The following NCOA3 variants were observed in gnomAD, a reference collection of about 807,000 sequenced individuals.
NCOA3 encodes nuclear receptor coactivator 3.
Under a neutral mutation model 158.8 loss-of-function variants are expected in NCOA3, and 51 were observed. The observed-to-expected ratio is 0.32, with a 90% CI of 0.26 to 0.41. The LOEUF (loss-of-function observed/expected upper bound fraction) is 0.41, where lower values mean the gene tolerates loss of function less well. Ranked by LOEUF, NCOA3 falls within the 10% of genes least tolerant of loss-of-function variation. NCOA3 has a pLI of 1.00. For missense variants in NCOA3, 1,510 were observed against 1,746.6 expected, an observed-to-expected ratio of 0.86 and a Z score of 2.41; for synonymous variants, 537 against 592.4, an observed-to-expected ratio of 0.91 and a Z score of 1.36.
intron 1 of NCOA3, among the ~76,000 whole-genome samples, chr20:47,577,327 A>G (rs1459706636): frequency 2.0e-5 from 3 of 152,066 alleles, no homozygotes; most frequent in Non-Finnish European, 4.4e-5. Flanking sequence ...GGTTATGACA[A>G]CTCTGGACAT....
chr20:47,626,864 C>T (rs1242813605), intron 5 of NCOA3, 138 bp from the exon 6 acceptor site: 13 of 706,522 alleles, frequency 1.8e-5, no homozygotes, highest in Non-Finnish European at 2.3e-5. Flanking sequence ...GTTATGACCT[C>T]ATTTATCTTT....
intron 8 of NCOA3, chr20:47,628,375 T>C (rs1260710512): frequency 2.3e-5 from 4 of 175,890 alleles, no homozygotes; most frequent in African/African-American, 9.5e-5. Flanking sequence ...TAAAAAATTA[T>C]AAGTAATTTA....
intron 2 of NCOA3, among the ~76,000 whole-genome samples, chr20:47,603,759 G>A (rs1038398101): frequency 1.3e-5 from 2 of 152,202 alleles, no homozygotes; most frequent in African/African-American, 4.8e-5. Flanking sequence ...TCCTCTTGGT[G>A]TTCAGATGTT....
At chr20:47,595,844 A>C (rs1437804600) in intron 2 of NCOA3, among the ~76,000 whole-genome samples, 1 of 152,136 alleles carries the variant, frequency 6.6e-6, no homozygotes, top group Admixed American at 6.6e-5. Context: ...ATTGAACTGT[A>C]CTTTCATCTA....
intron 1 of NCOA3, among the ~76,000 whole-genome samples, chr20:47,520,446 C>G (rs2084310650): frequency 6.6e-6 from 1 of 152,208 alleles, no homozygotes; most frequent in Admixed American, 6.5e-5. Flanking sequence ...TGGAGCTACT[C>G]TTTCTTCCCC....
chr20:47,649,540 C>A (rs185262891), intron 19 of NCOA3, among the ~76,000 whole-genome samples: 1 of 152,146 alleles, frequency 6.6e-6, no homozygotes, highest in Non-Finnish European at 1.5e-5. Flanking sequence ...TCTGAGATGA[C>A]CTGTTTCTTG....
At position 47,536,123 on chromosome 20, in the gene NCOA3, G is replaced by T. The variant is rs765930960; in HGVS notation, c.-99+34104G>T. On this transcript the variant is annotated intron_variant, in intron 1 of 22. Transcript: ENST00000371998. ...TGGCAGGCCAAAAGGCAACTTTTTG[G>T]GTGCGTAAACAGAAATGCTTGTTCT... Among the ~76,000 whole-genome samples the T allele has an allele frequency of 1.2e-4, 19 of 152,228 alleles. 1 individual carries two copies. Among genetic ancestry groups the T allele is most frequent in the South Asian group, 1.0e-3 (5 of 4,820 alleles).
At chr20:47,629,938 A>T (rs1280358437) in intron 8 of NCOA3, among the ~76,000 whole-genome samples, 6 of 152,242 alleles carry the variant, frequency 3.9e-5, no homozygotes, top group African/African-American at 1.4e-4. Context: ...ACAGGACATG[A>T]TGGAGAAAAA....
rs2086637608 is a variant in NCOA3 at position 47,643,154 on chromosome 20, T to TCTG, written c.3252+771_3252+772insTGC. Among the ~76,000 whole-genome samples the TCTG allele has an allele frequency of 2.6e-5, 4 of 152,356 alleles. 1 individual carries two copies. Among genetic ancestry groups the TCTG allele is most frequent in the African/African-American group, 9.6e-5 (4 of 41,588 alleles). On this transcript the variant is annotated intron_variant, in intron 17 of 22. Coordinates refer to ENST00000371998, the MANE Select transcript of NCOA3 (RefSeq NM_181659.3). ...GTCTCAAACTTCTGACCTCAAGTGA[T>TCTG]CCACTCGCCTTGGCCTCCCAAAGTG...
chr20:47,635,082 C>T (rs1055427695), intron 10 of NCOA3, among the ~76,000 whole-genome samples: 2 of 151,936 alleles, frequency 1.3e-5, no homozygotes, highest in Non-Finnish European at 2.9e-5. Context: ...ATGTGTGTCA[C>T]TATGCCTGGC....
intron 1 of NCOA3, among the ~76,000 whole-genome samples, chr20:47,519,825 C>T (rs1369558948): frequency 1.3e-5 from 2 of 151,910 alleles, no homozygotes; most frequent in Admixed American, 6.6e-5. Context: ...TGCAATGGCA[C>T]AATCTCGCTC....
At chr20:47,588,847 CATTTATTTTA>C (rs1464961302) in intron 2 of NCOA3, among the ~76,000 whole-genome samples, 1 of 152,158 alleles carries the variant, frequency 6.6e-6, no homozygotes, top group Non-Finnish European at 1.5e-5. Flanking sequence ...CTTTCCCATT[CATTTATTTTA>C]ATTGTAGTAA....
chr20:47,608,750 G>A (rs780438562), intron 2 of NCOA3, among the ~76,000 whole-genome samples: 5 of 151,822 alleles, frequency 3.3e-5, no homozygotes, highest in Non-Finnish European at 7.4e-5. Context: ...CAGTTTTTAA[G>A]AGGTAAAGGA....
At chr20:47,549,621 A>G (rs1428978568) in intron 1 of NCOA3, among the ~76,000 whole-genome samples, 1 of 151,194 alleles carries the variant, frequency 6.6e-6, no homozygotes, top group East Asian at 1.9e-4. Flanking sequence ...GGTTGGATCT[A>G]GAGGCTTGAG....
chr20:47,561,580 A>G (rs979257999), intron 1 of NCOA3, among the ~76,000 whole-genome samples: 1 of 151,778 alleles, frequency 6.6e-6, no homozygotes. Flanking sequence ...CAGCTTCCCA[A>G]AGTGCTGGGA....
chr20:47,582,510 G>C (rs1302741674), intron 1 of NCOA3, among the ~76,000 whole-genome samples: 1 of 152,130 alleles, frequency 6.6e-6, no homozygotes, highest in East Asian at 1.9e-4. Context: ...ACTGCGCCTG[G>C]CCCTGACTTT....
At chr20:47,568,154 C>A (rs1437957026) in intron 1 of NCOA3, among the ~76,000 whole-genome samples, 2 of 152,216 alleles carry the variant, frequency 1.3e-5, no homozygotes, top group Non-Finnish European at 2.9e-5. Context: ...GACCAGGCAA[C>A]AAGCTGCTGT....
intron 1 of NCOA3, among the ~76,000 whole-genome samples, chr20:47,529,761 C>T (rs2084515741): frequency 6.6e-6 from 1 of 152,184 alleles, no homozygotes; most frequent in Non-Finnish European, 1.5e-5. Context: ...AGATGATAAA[C>T]AATTCTTTCC....
rs528584384 is a variant in NCOA3, at chr20:47,656,590, C to T, written c.*3173C>T. ...TTATTGTTTTCAACTCCAAGGCACA[C>T]TGTTAATAAACGAGCAGGGTGTTTT... On this transcript the variant is annotated 3_prime_UTR_variant, in exon 23 of 23. Transcript: ENST00000371998. The T allele has an allele frequency of 1.3e-5, 2 of 152,594 alleles. No individual in the cohort carries two copies. Among genetic ancestry groups the T allele is most frequent in the Non-Finnish European group, 2.9e-5 (2 of 68,038 alleles). The allele number at this position is 152,594 out of a possible 1,614,324, so 9.5% of individuals were successfully genotyped here. A position where few individuals can be genotyped will look rare whatever the true frequency, so the allele number is the denominator to read the frequency against.
Sources: allele counts gnomAD v4.1 joint callset (sites outside exome capture counted in the v4.1 genomes callset), GRCh38; gene constraint gnomAD v4.1.1; transcripts MANE v1.5; gene names NCBI Gene and HGNC (gene_info 2026-07-23, HGNC 2026-07-21).